Variants in FRAS1 observed in about 807,000 individuals in gnomAD.
FRAS1 encodes the protein Fraser extracellular matrix complex subunit 1.
Under a neutral mutation model 435.2 loss-of-function variants are expected in FRAS1, and 290 were observed. The observed-to-expected ratio is 0.67, with a 90% CI of 0.61 to 0.73. The LOEUF (loss-of-function observed/expected upper bound fraction) is 0.73. Among genes scored for constraint, FRAS1 ranks in the 30% least tolerant of loss-of-function variants. The pLI, the probability that FRAS1 is intolerant of heterozygous loss-of-function variation, is 0.00. For synonymous variants in FRAS1, 1,800 were observed against 1,851.0 expected (o/e 0.97, Z 0.71); for missense variants, 4,860 against 5,001.5 (o/e 0.97, Z 0.85).
In FRAS1 at chr4:78,058,086, G is replaced by A. The variant is rs1739558635; in HGVS notation, c.76+1G>A. On this transcript the variant is annotated splice_donor_variant, in intron 1 of 73. Coordinates refer to ENST00000512123, the MANE Select transcript of FRAS1 (RefSeq NM_025074.7). LOFTEE classifies it high-confidence loss of function. ...GCAGTATTGCCTCATCATTCCGAAG[G>A]TGAGAGAGCGGTGCCGCGTGTGTGT... 5 of 1,613,146 alleles carry A rather than the reference G, an allele frequency of 3.1e-6. No individual in the cohort carries two copies. Among genetic ancestry groups the A allele is most frequent in the South Asian group, 1.1e-5 (1 of 91,060 alleles).
chr4:78,390,339 A>T (rs1423647213), intron 29 of FRAS1, among the ~76,000 whole-genome samples: 4 of 152,154 alleles, frequency 2.6e-5, no homozygotes, highest in Admixed American at 6.5e-5. Flanking sequence ...TCACTCTGTG[A>T]TGTTTGTACA....
intron 2 of FRAS1, among the ~76,000 whole-genome samples, chr4:78,113,243 T>G (rs1422889386): frequency 6.6e-6 from 1 of 152,224 alleles, no homozygotes; most frequent in Non-Finnish European, 1.5e-5. Context: ...GACATTTGGG[T>G]TAGTTCCAAG....
At chr4:78,513,367 T>C (rs1225102262) in intron 64 of FRAS1, 25 bp from the exon 65 acceptor site, 1 of 1,612,388 alleles carries the variant, frequency 6.2e-7, no homozygotes, top group Admixed American at 1.7e-5. Context: ...CAGCTAAACA[T>C]TTATTTCTGC....
intron 2 of FRAS1, among the ~76,000 whole-genome samples, chr4:78,116,861 G>A (rs1444704746): frequency 6.6e-6 from 1 of 152,158 alleles, no homozygotes; most frequent in Non-Finnish European, 1.5e-5. Context: ...GTGTGAATTT[G>A]ATCCTGTCAT....
At chr4:78,096,824 C>T (rs189847129) in intron 2 of FRAS1, among the ~76,000 whole-genome samples, 130 of 152,340 alleles carry the variant, frequency 8.5e-4, no homozygotes, top group Admixed American at 8.4e-3. Context: ...CTGTGAAGAC[C>T]TCTGATACGC....
chr4:78,124,827 T>G (rs952641506), intron 2 of FRAS1, among the ~76,000 whole-genome samples: 2 of 152,208 alleles, frequency 1.3e-5, no homozygotes, highest in Non-Finnish European at 2.9e-5. Flanking sequence ...GATATCCCCT[T>G]TATCAATTTT....
intron 24 of FRAS1, 109 bp downstream of exon 24, chr4:78,372,967 C>A (rs545872856): frequency 2.1e-5 from 26 of 1,260,310 alleles, no homozygotes; most frequent in Non-Finnish European, 2.7e-5. Context: ...GCTTTTTACC[C>A]CATTTCTGGT....
rs114662536 is a variant in FRAS1 at position 78,527,837 on chromosome 4, A to G, written c.10925+1180A>G. 8.1e-3 allele frequency among the ~76,000 whole-genome samples: 1,235 copies of G among 152,294 alleles called. 16 individuals carry two copies. The highest frequency in any genetic ancestry group is 0.028 in the African/African-American group (1,179 of 41,572). On this transcript the variant is annotated intron_variant, in intron 70 of 73. Transcript: ENST00000512123. ...ATTTGCTTTATTTCAGGATGCTTGT[A>G]TGCTGGTGGGAATAATCCAATCGAG...
At chr4:78,326,682 T>C (rs1729731727) in intron 18 of FRAS1, among the ~76,000 whole-genome samples, 2 of 152,166 alleles carry the variant, frequency 1.3e-5, no homozygotes, top group Non-Finnish European at 2.9e-5. Context: ...CTTACTAGCT[T>C]GGAAGTCATC....
At position 78,482,402 on chromosome 4, in the gene FRAS1, T is replaced by C. The variant is rs757237409; in HGVS notation, c.8619T>C (p.Thr2873=). ...TTCTCTTCTAGTATTGCACCTTGAC[T>C]ATCTTGGATGACACTCAGTATCCGG... is the stretch of plus-strand genomic sequence containing the variant. ...PGVIEQYCTL[T]ILDDTQYPVI... The change falls in exon 58 of 74, where the codon ACT becomes ACC. Residue 2873 remains threonine, a synonymous_variant. Transcript: ENST00000512123. The C allele has an allele frequency of 6.2e-7, 1 of 1,613,892 alleles. No homozygotes were observed. The highest frequency in any genetic ancestry group is 8.5e-7 in the Non-Finnish European group (1 of 1,179,812).
chr4:78,164,097 A>C (rs1721245714), intron 2 of FRAS1, among the ~76,000 whole-genome samples: 1 of 152,312 alleles, frequency 6.6e-6, no homozygotes. Context: ...AAGGCAGGTC[A>C]AGTCAGAGTC....
In FRAS1 at chr4:78,374,173, T is replaced by C. The variant is rs753556821; in HGVS notation, c.3073T>C (p.Phe1025Leu). The C allele has an allele frequency of 4.4e-6, 7 of 1,606,234 alleles. No individual in the cohort carries two copies. Among genetic ancestry groups the C allele is most frequent in the Non-Finnish European group, 6.0e-6 (7 of 1,174,508 alleles). The change falls in exon 25 of 74, where the codon TTT (phenylalanine) becomes CTT (leucine). Residue 1025 changes from phenylalanine to leucine, a missense_variant. By Grantham distance (22) the Phe-to-Leu change is conservative (BLOSUM62 0). Transcript: ENST00000512123. ...TGAGTGTACCCGCTGCAAAGGGCCA[T>C]TTCTCCTCTTGGAAGCCCAGTGTGT... ...PHECTRCKGPFLLLEAQCVQE... is the reference protein window; with the variant it reads ...PHECTRCKGPLLLLEAQCVQE...
Position 78,337,723 on chromosome 4 carries a change from C to T in FRAS1, c.2328C>T (p.Cys776=), listed in dbSNP as rs776037240. The T allele has an allele frequency of 2.5e-6, 4 of 1,613,876 alleles. No homozygotes were observed. In the East Asian group the frequency reaches 8.9e-5, roughly 36 times the overall value. The change falls in exon 20 of 74, where the codon TGC becomes TGT. Residue 776 remains cysteine, a synonymous_variant. Transcript: ENST00000512123. ...RQCHGPLESD[C]ISCYPHISLT... Reference sequence around the variant, plus strand: ...GTCATGGGCCGTTGGAGTCTGACTGCATCTCCTGTTACCCTCACATCTCTC... The same window carrying T: ...GTCATGGGCCGTTGGAGTCTGACTGTATCTCCTGTTACCCTCACATCTCTC...
rs1727492600 is a variant in FRAS1 at position 78,284,589 on chromosome 4, G to A, written c.1399+41G>A. 4 of 1,556,036 alleles carry A rather than the reference G, an allele frequency of 2.6e-6. No homozygotes were observed. The African/African-American group carries it at 4.1e-5, about 16-fold the overall frequency. On this transcript the variant is annotated intron_variant, in intron 13 of 73. Coordinates refer to ENST00000512123, the MANE Select transcript of FRAS1 (RefSeq NM_025074.7). ...GACAACCCAGAGGTGGTGGTGTGTG[G>A]GAGATAGACTCATCAAAGGTTGTGA...
At chr4:78,407,575 T>A (rs1560710083) in intron 30 of FRAS1, 88 bp from the exon 31 acceptor site, 11 of 942,808 alleles carry the variant, frequency 1.2e-5, no homozygotes, top group South Asian at 2.1e-5. Flanking sequence ...TCTTTCTAGT[T>A]AAAAAAAAAA....
At chr4:78,360,283 CA>C (rs1424379543) in intron 20 of FRAS1, among the ~76,000 whole-genome samples, 10 of 152,128 alleles carry the variant, frequency 6.6e-5, no homozygotes, top group Non-Finnish European at 1.3e-4. Context: ...AAGAGGCCAT[CA>C]GAGACCTTTT....
chr4:78,306,673 C>T (rs1292350422), intron 14 of FRAS1, among the ~76,000 whole-genome samples: 2 of 149,836 alleles, frequency 1.3e-5, no homozygotes, highest in South Asian at 2.1e-4. Context: ...GAGGCTTCTG[C>T]ATTCTTCACG....
intron 64 of FRAS1, 98 bp downstream of exon 64, chr4:78,511,604 T>G (rs1174751949): frequency 1.1e-6 from 1 of 940,696 alleles, no homozygotes; most frequent in Non-Finnish European, 1.7e-6. Context: ...TGCTTCTGCA[T>G]GATAAAAATG....
At chr4:78,167,472 A>G (rs1399610960) in intron 2 of FRAS1, among the ~76,000 whole-genome samples, 1 of 152,006 alleles carries the variant, frequency 6.6e-6, no homozygotes, top group Non-Finnish European at 1.5e-5. Context: ...GCAATCCAGG[A>G]TGGGTAGGCA....
Sources: allele counts gnomAD v4.1 joint callset (sites outside exome capture counted in the v4.1 genomes callset), GRCh38; gene constraint gnomAD v4.1.1; transcripts MANE v1.5; gene names NCBI Gene and HGNC (gene_info 2026-07-23, HGNC 2026-07-21).